Variants in OPCML observed in about 807,000 individuals in gnomAD.
OPCML encodes opioid binding protein/cell adhesion molecule like, also known as opioid-binding protein/cell adhesion molecule.
A neutral mutation model predicts 37.8 loss-of-function variants in OPCML; 13 were observed. That is an observed-to-expected ratio of 0.34 (90% CI 0.22 to 0.55). The LOEUF (loss-of-function observed/expected upper bound fraction) is 0.55. OPCML is among the 20% of genes least tolerant of loss of function. The pLI is 0.91. For synonymous variants in OPCML, 176 were observed against 168.8 expected (o/e 1.04, Z -0.33); for missense variants, 341 against 435.6 (o/e 0.78, Z 1.93).
intron 2 of OPCML, among the ~76,000 whole-genome samples, chr11:132,702,096 A>G (rs1021385089): frequency 1.5e-4 from 23 of 152,176 alleles, no homozygotes; most frequent in African/African-American, 5.5e-4. Context: ...AAAGTTATTT[A>G]CACACCACTC....
intron 1 of OPCML, among the ~76,000 whole-genome samples, chr11:132,971,101 C>T (rs1946332862): frequency 6.6e-6 from 1 of 152,116 alleles, no homozygotes. Flanking sequence ...CACAAAGAAG[C>T]CTTTTTTCTA....
chr11:132,480,812 C>T (rs925127201), intron 4 of OPCML, among the ~76,000 whole-genome samples: 15 of 152,076 alleles, frequency 9.9e-5, no homozygotes, highest in African/African-American at 3.6e-4. Flanking sequence ...TACAGAGAAG[C>T]AAATGCTGAG....
At chr11:133,126,591 CATT>C (rs1949519217) in intron 1 of OPCML, among the ~76,000 whole-genome samples, 2 of 152,170 alleles carry the variant, frequency 1.3e-5, no homozygotes, top group Admixed American at 1.3e-4. Flanking sequence ...TTACTTTAGA[CATT>C]ATTAAAGAAT....
At chr11:133,100,454 C>T (rs1163713865) in intron 1 of OPCML, among the ~76,000 whole-genome samples, 1 of 152,070 alleles carries the variant, frequency 6.6e-6, no homozygotes, top group Non-Finnish European at 1.5e-5. Context: ...TTTGCAAATA[C>T]TGAAAAAATG....
chr11:132,902,040 A>T (rs889458635), intron 2 of OPCML, among the ~76,000 whole-genome samples: 3 of 152,208 alleles, frequency 2.0e-5, no homozygotes, highest in Admixed American at 2.0e-4. Flanking sequence ...AGGTAAATGT[A>T]TGTATGGCTT....
chr11:132,858,674 C>A (rs1448198867), intron 2 of OPCML, among the ~76,000 whole-genome samples: 1 of 151,732 alleles, frequency 6.6e-6, no homozygotes, highest in Non-Finnish European at 1.5e-5. Flanking sequence ...TTCTGAGTGT[C>A]ATTTTCTCAT....
At chr11:133,316,660 A>G (rs1565567900) in intron 1 of OPCML, among the ~76,000 whole-genome samples, 1 of 152,160 alleles carries the variant, frequency 6.6e-6, no homozygotes, top group African/African-American at 2.4e-5. Flanking sequence ...GGAATTAGAA[A>G]CTATGTTTAT....
intron 2 of OPCML, among the ~76,000 whole-genome samples, chr11:132,658,875 C>T (rs1222024282): frequency 6.6e-6 from 1 of 152,192 alleles, no homozygotes; most frequent in African/African-American, 2.4e-5. Flanking sequence ...CATGCATGAA[C>T]TTGTATGAAG....
intron 1 of OPCML, among the ~76,000 whole-genome samples, chr11:133,100,369 C>T (rs535806763): frequency 6.6e-6 from 1 of 152,314 alleles, no homozygotes; most frequent in Non-Finnish European, 1.5e-5. Context: ...ATCAAGATGT[C>T]AGTTATTCCC....
intron 3 of OPCML, among the ~76,000 whole-genome samples, chr11:132,606,449 A>G (rs1000509825): frequency 3.3e-5 from 5 of 152,148 alleles, no homozygotes; most frequent in Non-Finnish European, 1.5e-5. Context: ...TTGTCAGAGC[A>G]TCTCCTTTCA....
intron 1 of OPCML, among the ~76,000 whole-genome samples, chr11:133,104,231 A>G (rs749946538): frequency 6.6e-6 from 1 of 152,198 alleles, no homozygotes; most frequent in Non-Finnish European, 1.5e-5. Flanking sequence ...CAATCTGTTG[A>G]TGAAGCTTTT....
chr11:132,695,994 C>T (rs1345236033), intron 2 of OPCML, among the ~76,000 whole-genome samples: 1 of 152,134 alleles, frequency 6.6e-6, no homozygotes, highest in African/African-American at 2.4e-5. Flanking sequence ...GGCAACTGCA[C>T]CCACAAGTCA....
intron 3 of OPCML, among the ~76,000 whole-genome samples, chr11:132,543,968 A>G (rs138864761): frequency 2.0e-5 from 3 of 152,272 alleles, no homozygotes; most frequent in Admixed American, 6.5e-5. Context: ...TTACTCTTGA[A>G]AAAGGCAGGG....
chr11:133,377,430 A>G (rs918734331), intron 1 of OPCML, among the ~76,000 whole-genome samples: 2 of 151,914 alleles, frequency 1.3e-5, no homozygotes, highest in African/African-American at 4.8e-5. Context: ...CCGATTGAAG[A>G]TACCAGGATG....
At chr11:133,320,464 C>T (rs1358104887) in intron 1 of OPCML, among the ~76,000 whole-genome samples, 1 of 152,068 alleles carries the variant, frequency 6.6e-6, no homozygotes. Flanking sequence ...TAGTAACCTA[C>T]CTAACTCAGA....
chr11:133,085,251 C>T (rs777254788), intron 1 of OPCML, among the ~76,000 whole-genome samples: 14 of 152,214 alleles, frequency 9.2e-5, no homozygotes, highest in South Asian at 2.1e-4. Flanking sequence ...ACAGATCTGC[C>T]TGGGATTGAC....
At chr11:133,362,087 T>A (rs1944435806) in intron 1 of OPCML, 1 of 152,368 alleles carries the variant, frequency 6.6e-6, no homozygotes, top group East Asian at 1.9e-4. Flanking sequence ...AGCTGCACCC[T>A]GAGCTCAGCT....
chr11:133,138,094 T>G (rs534779873), intron 1 of OPCML, among the ~76,000 whole-genome samples: 1 of 152,182 alleles, frequency 6.6e-6, no homozygotes, highest in Non-Finnish European at 1.5e-5. Context: ...CATGAATAGA[T>G]TAATGCTTTC....
At chr11:133,471,076 C>G (rs889503015) in intron 1 of OPCML, among the ~76,000 whole-genome samples, 4 of 152,166 alleles carry the variant, frequency 2.6e-5, no homozygotes, top group Non-Finnish European at 5.9e-5. Context: ...TTGAAGACAT[C>G]AGTCTATATG....
Sources: gnomAD v4.1 joint callset for allele counts (sites outside exome capture counted in the v4.1 genomes callset) on GRCh38, gnomAD v4.1.1 for gene constraint, MANE v1.5 for transcripts, NCBI Gene and HGNC (gene_info 2026-07-23, HGNC 2026-07-21) for gene names.